The following KPNB1 variants were observed in gnomAD, a reference collection of about 807,000 sequenced individuals.
KPNB1 encodes karyopherin subunit beta 1, also known as importin subunit beta-1.
KPNB1 carries 7 observed loss-of-function variants against 113.0 expected under a neutral mutation model. The observed-to-expected ratio is 0.06, with a 90% CI of 0.04 to 0.12. KPNB1 has a LOEUF of 0.12. KPNB1 is among the 10% of genes least tolerant of loss of function. KPNB1 has a pLI of 1.00. For missense variants in KPNB1, 400 were observed against 1,054.8 expected (o/e 0.38, Z 8.60); for synonymous variants, 363 against 378.6 (o/e 0.96, Z 0.48).
At chr17:47,653,717 T>C (rs1158572112) in intron 3 of KPNB1, among the ~76,000 whole-genome samples, 1 of 152,244 alleles carries the variant, frequency 6.6e-6, no homozygotes, top group Non-Finnish European at 1.5e-5. Flanking sequence ...TCATACTTGC[T>C]ATTTCCTGGT....
Position 47,673,570 on chromosome 17 carries a change from G to A in KPNB1, c.1767+9G>A. 6.2e-7 allele frequency: 1 copy of A among 1,600,884 alleles called. No homozygotes were observed. The highest frequency in any genetic ancestry group is 8.6e-7 in the Non-Finnish European group (1 of 1,168,056). The stretch of plus-strand genomic sequence containing the variant: ...TCTGTGCAACTCTTCAGGTATGGTG[G>A]TGCCTTATGACTTAATAACTCCAGG... On this transcript the variant is annotated intron_variant, in intron 14 of 21. Coordinates refer to ENST00000290158, the MANE Select transcript of KPNB1 (RefSeq NM_002265.6).
At chr17:47,664,067 G>T in intron 7 of KPNB1, 92 bp from the exon 8 acceptor site, 29 of 659,068 alleles carry the variant, frequency 4.4e-5, no homozygotes, top group South Asian at 1.4e-4. Context: ...TTACATTTCT[G>T]AAATTTGCAT....
At chr17:47,659,909 A>AT (rs1480779014) in intron 5 of KPNB1, among the ~76,000 whole-genome samples, 298 of 150,910 alleles carry the variant, frequency 2.0e-3, no homozygotes, top group East Asian at 0.011. Flanking sequence ...AAAAAAAAAA[A>AT]ATATATATAT....
chr17:47,675,330 C>CCAGT (rs1459469217), intron 15 of KPNB1, among the ~76,000 whole-genome samples: 2 of 147,768 alleles, frequency 1.4e-5, no homozygotes, highest in Admixed American at 6.9e-5. Context: ...AAATGGGGAG[C>CCAGT]CAGTTTGCAA....
chr17:47,681,683 TAG>T (rs1371561889), intron 21 of KPNB1, among the ~76,000 whole-genome samples: 5 of 143,388 alleles, frequency 3.5e-5, no homozygotes, highest in African/African-American at 1.3e-4. Context: ...GCTGGAATTA[TAG>T]GTTTTTTTTT....
At chr17:47,650,568 T>TCCCCCCCCCCCCC (rs1233876219) in intron 2 of KPNB1, 124 bp downstream of exon 2, 3 of 402,076 alleles carry the variant, frequency 7.5e-6, no homozygotes, top group African/African-American at 4.9e-5. Context: ...CCCTCCCCCC[T>TCCCCCCCCCCCCC]CCCCCTCCCC....
chr17:47,668,460 A>G, intron 10 of KPNB1, 50 bp downstream of exon 10: 1 of 1,415,322 alleles, frequency 7.1e-7, no homozygotes, highest in Non-Finnish European at 9.9e-7. Flanking sequence ...TATTGTTTAA[A>G]CTTAAAGCAT....
intron 12 of KPNB1, chr17:47,671,700 G>A (rs563494341): frequency 8.0e-4 from 121 of 151,914 alleles, no homozygotes; most frequent in African/African-American, 2.9e-3. Context: ...GCTAATTTTT[G>A]TATTTTTAGT....
intron 2 of KPNB1, chr17:47,651,050 T>C: frequency 6.1e-6 from 1 of 163,564 alleles, no homozygotes; most frequent in Non-Finnish European, 1.2e-5. Context: ...TCTTTCTTTC[T>C]TTTTTTTTTT....
chr17:47,679,195 G>A (rs1489760823), intron 19 of KPNB1, among the ~76,000 whole-genome samples: 1 of 152,050 alleles, frequency 6.6e-6, no homozygotes, highest in East Asian at 1.9e-4. Context: ...CAAAGTGATG[G>A]GATTTCAGGC....
At chr17:47,676,550 C>A in intron 16 of KPNB1, 59 bp downstream of exon 16, 2 of 1,277,392 alleles carry the variant, frequency 1.6e-6, no homozygotes, top group Non-Finnish European at 2.3e-6. Context: ...CACTGTAGTG[C>A]ACGCAAAACC....
chr17:47,659,205 C>T (rs1248160913), intron 5 of KPNB1, among the ~76,000 whole-genome samples: 10 of 151,760 alleles, frequency 6.6e-5, no homozygotes, highest in Non-Finnish European at 1.2e-4. Flanking sequence ...AAAAATTAGC[C>T]GGGTGTGGTG....
In KPNB1 at chr17:47,650,300, C is replaced by T. The variant is rs1567885456; in HGVS notation, c.40+16C>T. 7 of 1,603,750 alleles carry T rather than the reference C, an allele frequency of 4.4e-6. No individual in the cohort carries two copies. In the South Asian group the frequency reaches 5.5e-5, roughly 13 times the overall value. ...GTGTCTCCCGGTAGGACGCAGGAGCCGGGGGTAGGGCTGAGGTGATTGGGG... is the reference window on the plus strand; with the variant it reads ...GTGTCTCCCGGTAGGACGCAGGAGCTGGGGGTAGGGCTGAGGTGATTGGGG... On this transcript the variant is annotated intron_variant, in intron 1 of 21. Coordinates refer to ENST00000290158, the MANE Select transcript of KPNB1 (RefSeq NM_002265.6).
chr17:47,657,107 C>G (rs1242215360), intron 4 of KPNB1, 47 bp downstream of exon 4: 2 of 1,459,996 alleles, frequency 1.4e-6, no homozygotes, highest in African/African-American at 1.4e-5. Context: ...CTGATTGCCT[C>G]TAGCTGTGAC....
intron 18 of KPNB1, 54 bp from the exon 19 acceptor site, chr17:47,678,254 C>T: frequency 6.2e-7 from 1 of 1,609,592 alleles, no homozygotes; most frequent in Non-Finnish European, 8.5e-7. Context: ...TATTGACAAA[C>T]ATGCAGCTAA....
intron 5 of KPNB1, among the ~76,000 whole-genome samples, chr17:47,660,764 T>A (rs1446239069): frequency 6.6e-6 from 1 of 152,270 alleles, no homozygotes; most frequent in Non-Finnish European, 1.5e-5. Flanking sequence ...AATTCTCTTA[T>A]ATAAGGAAAC....
intron 7 of KPNB1, 41 bp downstream of exon 7, chr17:47,663,219 T>TA (rs1228537886): frequency 2.0e-6 from 2 of 1,014,128 alleles, no homozygotes; most frequent in Admixed American, 3.4e-5. Context: ...TGTGGCTAAT[T>TA]ACAGAGCCCA....
At position 47,683,153 on chromosome 17, in the gene KPNB1, T is replaced by G. The variant is rs1384186446; in HGVS notation, c.*749T>G. 11 of 145,412 alleles carry G rather than the reference T, an allele frequency of 7.6e-5. No individual in the cohort carries two copies. Among genetic ancestry groups the G allele is most frequent in the Non-Finnish European group, 1.4e-4 (9 of 66,348 alleles). 9.0% of individuals were successfully genotyped at this position (145,412 alleles called of 1,614,324 possible). A position where few individuals can be genotyped will look rare whatever the true frequency, so the allele number is the denominator to read the frequency against. On this transcript the variant is annotated 3_prime_UTR_variant, in exon 22 of 22. Transcript: ENST00000290158. ...CAGAGGAAAGACGCTCTTTAGGTTT[T>G]GTTTTGTTTTTTTTTTTTGGTTTTG...
rs1422888837 is a variant in KPNB1 at position 47,664,125 on chromosome 17, C to T, written c.787-34C>T. The T allele has an allele frequency of 7.1e-6, 10 of 1,414,152 alleles. No homozygotes were observed. In the Admixed American group the frequency reaches 1.0e-4, roughly 14 times the overall value. The allele number at this position is 1,414,152 out of a possible 1,614,324, so 87.6% of individuals were successfully genotyped here. A position where few individuals can be genotyped will look rare whatever the true frequency, so the allele number is the denominator to read the frequency against. ...GGGCAGGGACTCACTTGAATCAGTA[C>T]TTATTTGGGGCCTGGGGTGTTTTTC... On this transcript the variant is annotated intron_variant, in intron 7 of 21. Coordinates refer to ENST00000290158, the MANE Select transcript of KPNB1 (RefSeq NM_002265.6).
Sources: allele counts gnomAD v4.1 joint callset (sites outside exome capture counted in the v4.1 genomes callset), GRCh38; gene constraint gnomAD v4.1.1; transcripts MANE v1.5; gene names NCBI Gene and HGNC (gene_info 2026-07-23, HGNC 2026-07-21).